C8orf34: variants seen among roughly 807,000 people sequenced by gnomAD.
C8orf34 encodes chromosome 8 open reading frame 34, also known as uncharacterized protein C8orf34.
C8orf34 carries 65 observed loss-of-function variants against 68.3 expected under a neutral mutation model. The observed-to-expected ratio is 0.95, with a 90% confidence interval of 0.78 to 1.17. The LOEUF (loss-of-function observed/expected upper bound fraction) is 1.17. C8orf34 is among the 50% of genes most tolerant of loss of function. The pLI is 0.00. For synonymous variants in C8orf34, 244 were observed against 241.2 expected, an observed-to-expected ratio of 1.01 and a Z score of -0.11; for missense variants, 664 against 655.4, an observed-to-expected ratio of 1.01 and a Z score of -0.14.
At position 68,337,162 on chromosome 8, in the gene C8orf34, C is replaced by T. The variant is rs144209626; in HGVS notation, c.327+5823C>T. The stretch of plus-strand genomic sequence containing the variant: ...AAGTTGGATAAACAATAAGATGTTA[C>T]ATAATCTCTAAGTATCTTCCTACAA... On this transcript the variant is annotated intron_variant, in intron 1 of 13. Transcript: ENST00000518698. 6.3e-3 allele frequency among the ~76,000 whole-genome samples: 952 copies of T among 152,258 alleles called. 7 individuals carry two copies. The highest frequency in any genetic ancestry group is 0.011 in the Non-Finnish European group (767 of 68,006).
chr8:68,707,761 A>G (rs759178997), intron 8 of C8orf34, among the ~76,000 whole-genome samples: 14 of 152,074 alleles, frequency 9.2e-5, no homozygotes, highest in Non-Finnish European at 1.9e-4. Flanking sequence ...ACTTAATGTT[A>G]AATATCCCAA....
chr8:68,654,994 A>G (rs1483958815), intron 8 of C8orf34, among the ~76,000 whole-genome samples: 1 of 152,156 alleles, frequency 6.6e-6, no homozygotes, highest in East Asian at 1.9e-4. Flanking sequence ...ATTTACATGG[A>G]AAATCCTCCA....
At chr8:68,661,381 G>C (rs1819675289) in intron 8 of C8orf34, among the ~76,000 whole-genome samples, 1 of 152,152 alleles carries the variant, frequency 6.6e-6, no homozygotes, top group Non-Finnish European at 1.5e-5. Flanking sequence ...GTCCCCATAT[G>C]GGCCACCAAA....
At chr8:68,779,695 T>C (rs1463080108) in intron 11 of C8orf34, among the ~76,000 whole-genome samples, 5 of 152,190 alleles carry the variant, frequency 3.3e-5, no homozygotes, top group African/African-American at 1.2e-4. Flanking sequence ...GAAGTTTCAA[T>C]TCTACTTCTG....
chr8:68,685,002 A>G (rs1419717765), intron 8 of C8orf34, among the ~76,000 whole-genome samples: 1 of 152,114 alleles, frequency 6.6e-6, no homozygotes, highest in Non-Finnish European at 1.5e-5. Context: ...TAAAATTAGA[A>G]CATAATCTTT....
chr8:68,508,415 T>G (rs1041614539), intron 5 of C8orf34, among the ~76,000 whole-genome samples: 2 of 152,230 alleles, frequency 1.3e-5, no homozygotes, highest in African/African-American at 4.8e-5. Flanking sequence ...CCAAAATCAA[T>G]GGCATATATT....
rs139639016 is a variant in C8orf34 at position 68,446,414 on chromosome 8, C to T, written c.561C>T (p.Asp187=). The T allele has an allele frequency of 4.8e-4, 779 of 1,612,894 alleles. 15 individuals are homozygous for T. The East Asian group carries it at 0.01, about 21-fold the overall frequency. ...AGAAGCCTAAAAAATCAAAAAGTGA[C>T]CTTGCTGTGTCTAATATTTCTCCAC... is the stretch of plus-strand genomic sequence containing the variant. ...NAKKPKKSKS[D]LAVSNISPPS... The change falls in exon 3 of 14, where the codon GAC becomes GAT. Residue 187 remains aspartate (D), a synonymous_variant. Transcript: ENST00000518698.
chr8:68,730,398 T>G (rs1821947482), intron 10 of C8orf34, among the ~76,000 whole-genome samples: 1 of 152,174 alleles, frequency 6.6e-6, no homozygotes, highest in African/African-American at 2.4e-5. Flanking sequence ...ATAAAGCTGC[T>G]CAAAATTAAG....
At chr8:68,543,414 G>A (rs543764489) in intron 7 of C8orf34, among the ~76,000 whole-genome samples, 37 of 152,234 alleles carry the variant, frequency 2.4e-4, no homozygotes, top group African/African-American at 8.9e-4. Context: ...TACTGTTGAT[G>A]TTTTAGTGAT....
chr8:68,685,480 T>C (rs1171526865), intron 8 of C8orf34, among the ~76,000 whole-genome samples: 1 of 152,076 alleles, frequency 6.6e-6, no homozygotes, highest in African/African-American at 2.4e-5. Flanking sequence ...TCCTGCCAAA[T>C]TGATCAACCC....
intron 7 of C8orf34, chr8:68,535,875 T>C (rs1815444928): frequency 1.0e-6 from 1 of 980,062 alleles, no homozygotes; most frequent in African/African-American, 1.7e-5. Context: ...ATTGGTGCTG[T>C]AATTATAGAA....
intron 5 of C8orf34, among the ~76,000 whole-genome samples, chr8:68,507,011 C>T (rs1814053515): frequency 6.6e-6 from 1 of 152,012 alleles, no homozygotes; most frequent in Non-Finnish European, 1.5e-5. Flanking sequence ...TGTTATTCTA[C>T]TGAGTTTGGA....
intron 4 of C8orf34, among the ~76,000 whole-genome samples, chr8:68,475,082 C>G (rs8180911): frequency 6.6e-6 from 1 of 151,928 alleles, no homozygotes; most frequent in East Asian, 1.9e-4. Context: ...CTTTATGCAC[C>G]GCACTCCCTC....
chr8:68,784,132 A>T (rs1458562099), intron 11 of C8orf34, among the ~76,000 whole-genome samples: 1 of 152,078 alleles, frequency 6.6e-6, no homozygotes, highest in African/African-American at 2.4e-5. Flanking sequence ...TCCACATTAC[A>T]TTTAGTCATT....
intron 5 of C8orf34, among the ~76,000 whole-genome samples, chr8:68,489,783 T>C (rs1437353549): frequency 6.6e-6 from 1 of 152,226 alleles, no homozygotes; most frequent in Non-Finnish European, 1.5e-5. Context: ...GTAATAATTG[T>C]ATTATTTTTA....
chr8:68,460,049 T>C (rs933940285), intron 3 of C8orf34, among the ~76,000 whole-genome samples: 2 of 151,940 alleles, frequency 1.3e-5, no homozygotes, highest in Admixed American at 1.3e-4. Context: ...AAGAAAGGGG[T>C]GACAGACGGC....
intron 8 of C8orf34, among the ~76,000 whole-genome samples, chr8:68,685,707 GA>G (rs1479061256): frequency 1.3e-5 from 2 of 151,558 alleles, no homozygotes; most frequent in East Asian, 3.9e-4. Context: ...AATACAAAAA[GA>G]AACCCCCAAA....
intron 6 of C8orf34, among the ~76,000 whole-genome samples, chr8:68,531,624 G>A (rs897237946): frequency 1.3e-5 from 2 of 152,100 alleles, no homozygotes; most frequent in African/African-American, 2.4e-5. Flanking sequence ...TGGTTAAGGT[G>A]ATGTCCACCA....
chr8:68,512,287 T>C (rs1391036770), intron 5 of C8orf34, among the ~76,000 whole-genome samples: 2 of 152,214 alleles, frequency 1.3e-5, no homozygotes, highest in Non-Finnish European at 2.9e-5. Flanking sequence ...TTTTGGAACA[T>C]ACATTAGCGT....
Sources: gnomAD v4.1 joint callset for allele counts (sites outside exome capture counted in the v4.1 genomes callset) on GRCh38, gnomAD v4.1.1 for gene constraint, MANE v1.5 for transcripts, NCBI Gene and HGNC (gene_info 2026-07-23, HGNC 2026-07-21) for gene names.